Variants in SLC9B1 observed in about 807,000 individuals in gnomAD.
SLC9B1 encodes solute carrier family 9 member B1, also known as sodium/hydrogen exchanger 9B1.
SLC9B1 carries 32 observed loss-of-function variants against 51.7 expected under a neutral mutation model. That is an observed-to-expected ratio of 0.62 (90% CI 0.47 to 0.83). The LOEUF (loss-of-function observed/expected upper bound fraction) is 0.83, where lower values mean the gene tolerates loss of function less well. SLC9B1 is among the 40% of genes least tolerant of loss of function. The pLI is 0.00. For synonymous variants in SLC9B1, 145 were observed against 212.7 expected (o/e 0.68, Z 2.77); for missense variants, 406 against 613.2 (o/e 0.66, Z 3.57).
At chr4:102,996,304 A>G (rs1740212875) in intron 1 of SLC9B1, among the ~76,000 whole-genome samples, 1 of 152,182 alleles carries the variant, frequency 6.6e-6, no homozygotes, top group East Asian at 1.9e-4. Context: ...TTTATTGGAT[A>G]TATAAAGAGC....
intron 1 of SLC9B1, among the ~76,000 whole-genome samples, chr4:102,992,950 C>T (rs1299097360): frequency 6.6e-6 from 1 of 152,174 alleles, no homozygotes; most frequent in Non-Finnish European, 1.5e-5. Flanking sequence ...ATGCCAGACA[C>T]TTATAAAACC....
At chr4:103,007,003 C>T (rs1740824049) in intron 1 of SLC9B1, among the ~76,000 whole-genome samples, 1 of 152,162 alleles carries the variant, frequency 6.6e-6, no homozygotes, top group South Asian at 2.1e-4. Flanking sequence ...TTATGACAAA[C>T]CCATAGCCAA....
chr4:102,992,464 C>T (rs1739993640), intron 1 of SLC9B1, among the ~76,000 whole-genome samples: 1 of 152,040 alleles, frequency 6.6e-6, no homozygotes, highest in African/African-American at 2.4e-5. Flanking sequence ...CTTCAAGTAT[C>T]TATACTTTTC....
intron 6 of SLC9B1, among the ~76,000 whole-genome samples, chr4:102,942,008 C>T (rs1157293642): frequency 1.5e-4 from 23 of 152,018 alleles, no homozygotes; most frequent in East Asian, 9.6e-4. Flanking sequence ...TGGTATACAC[C>T]GATGGTGACT....
intron 1 of SLC9B1, among the ~76,000 whole-genome samples, chr4:103,003,378 T>C (rs1740625655): frequency 6.6e-6 from 1 of 151,976 alleles, no homozygotes; most frequent in African/African-American, 2.4e-5. Flanking sequence ...GGATGTGCAG[T>C]GTAATGAACC....
intron 6 of SLC9B1, among the ~76,000 whole-genome samples, chr4:102,939,401 T>C (rs1394231123): frequency 9.7e-6 from 1 of 103,168 alleles, no homozygotes; most frequent in Non-Finnish European, 1.9e-5. Flanking sequence ...AAAAAGTCTC[T>C]GAGCCAAAAA....
At position 102,959,729 on chromosome 4, in the gene SLC9B1, TGGCTGGTGCCAA is replaced by T. The variant is rs556092146; in HGVS notation, c.212-10314_212-10303del. 1.5e-4 allele frequency among the ~76,000 whole-genome samples: 23 copies of T among 152,308 alleles called. 1 individual carries two copies. The South Asian group carries it at 4.6e-3, about 30-fold the overall frequency. On this transcript the variant is annotated intron_variant, in intron 3 of 11. Transcript: ENST00000296422. Reference sequence around the variant, plus strand: ...CTGTGCTGTTGGTCAGGGGCCCGCTTGGCTGGTGCCAAGGATTTGTTCTCAGTGACAAGACAA... The same window carrying T: ...CTGTGCTGTTGGTCAGGGGCCCGCTTGGATTTGTTCTCAGTGACAAGACAA...
At chr4:102,887,819 T>C in intron 11 of SLC9B1, 1 of 163,780 alleles carries the variant, frequency 6.1e-6, no homozygotes. Flanking sequence ...TCTGAAGTGT[T>C]TTTTTCTCGT....
At chr4:102,918,720 T>C (rs1327422489) in intron 7 of SLC9B1, among the ~76,000 whole-genome samples, 1 of 152,210 alleles carries the variant, frequency 6.6e-6, no homozygotes, top group Non-Finnish European at 1.5e-5. Flanking sequence ...GTGCTATCTA[T>C]AGTGAATATA....
intron 7 of SLC9B1, among the ~76,000 whole-genome samples, chr4:102,914,256 A>C (rs1419841552): frequency 8.2e-6 from 1 of 121,300 alleles, no homozygotes; most frequent in East Asian, 2.4e-4. Flanking sequence ...CAGGGTCTGC[A>C]AAATATCTCA....
intron 7 of SLC9B1, among the ~76,000 whole-genome samples, chr4:102,913,433 T>C (rs958738180): frequency 3.3e-5 from 5 of 152,170 alleles, no homozygotes; most frequent in African/African-American, 1.2e-4. Flanking sequence ...AGAAAAGGTT[T>C]GAGAGGCTGC....
intron 3 of SLC9B1, among the ~76,000 whole-genome samples, chr4:102,973,990 C>A (rs1295760349): frequency 2.0e-5 from 3 of 152,014 alleles, no homozygotes; most frequent in Admixed American, 6.6e-5. Context: ...AATCCCAGCA[C>A]TTTGGGAGGT....
At chr4:102,969,444 C>G (rs1738625399) in intron 3 of SLC9B1, among the ~76,000 whole-genome samples, 1 of 152,120 alleles carries the variant, frequency 6.6e-6, no homozygotes, top group South Asian at 2.1e-4. Flanking sequence ...GGAACAGCAT[C>G]AACAAAAAGG....
At chr4:102,911,738 A>G (rs1735346649) in intron 7 of SLC9B1, among the ~76,000 whole-genome samples, 4 of 152,170 alleles carry the variant, frequency 2.6e-5, no homozygotes, top group Admixed American at 1.3e-4. Flanking sequence ...CAAATAATTT[A>G]ATATATACAC....
At chr4:102,955,812 CAACA>C (rs765980012) in intron 3 of SLC9B1, among the ~76,000 whole-genome samples, 2 of 130,120 alleles carry the variant, frequency 1.5e-5, no homozygotes, top group Admixed American at 8.1e-5. Flanking sequence ...GAGAGAGAAA[CAACA>C]AACAAAGTGG....
chr4:102,963,894 ACT>A (rs1370883200), intron 3 of SLC9B1, among the ~76,000 whole-genome samples: 2 of 152,148 alleles, frequency 1.3e-5, no homozygotes, highest in East Asian at 3.8e-4. Context: ...CCATCTTAAG[ACT>A]CTAGAAAAAG....
rs1741007178 is a variant in SLC9B1 at position 103,009,976 on chromosome 4, G to A, written c.-2+9623C>T. ...TATTTAATCAGGACAATACAAATCT[G>A]GGCTAAACTTCTACTACTATAATTC... On this transcript the variant is annotated intron_variant, in intron 1 of 11. Coordinates refer to ENST00000296422, the MANE Select transcript of SLC9B1 (RefSeq NM_139173.4). Among the ~76,000 whole-genome samples, 4 of 152,042 alleles carry A rather than the reference G, an allele frequency of 2.6e-5. No homozygotes were observed. The South Asian group carries it at 8.3e-4, about 32-fold the overall frequency.
chr4:102,965,794 A>C (rs1202278581), intron 3 of SLC9B1, among the ~76,000 whole-genome samples: 2 of 151,296 alleles, frequency 1.3e-5, no homozygotes, highest in East Asian at 1.9e-4. Context: ...TAAAAAAAAA[A>C]ACAACAAGTT....
At chr4:102,986,520 A>G (rs1352590580) in intron 3 of SLC9B1, among the ~76,000 whole-genome samples, 1 of 152,034 alleles carries the variant, frequency 6.6e-6, no homozygotes, top group Middle Eastern at 3.2e-3. Flanking sequence ...CTTGACATTC[A>G]TTTGTGGAAA....
Sources: gnomAD v4.1 joint callset for allele counts (sites outside exome capture counted in the v4.1 genomes callset) on GRCh38, gnomAD v4.1.1 for gene constraint, MANE v1.5 for transcripts, NCBI Gene and HGNC (gene_info 2026-07-23, HGNC 2026-07-21) for gene names.